The following TTLL10 variants were observed in gnomAD, a reference collection of about 807,000 sequenced individuals.
TTLL10 encodes tubulin tyrosine ligase like 10.
Under a neutral mutation model 69.0 loss-of-function variants are expected in TTLL10, and 61 were observed. The observed-to-expected ratio is 0.88, with a 90% CI of 0.72 to 1.09. TTLL10 has a LOEUF of 1.09. Ranked by LOEUF, TTLL10 falls within the 50% of genes least tolerant of loss-of-function variation. The pLI is 0.00. For synonymous variants in TTLL10, 408 were observed against 393.3 expected (o/e 1.04, Z -0.44); for missense variants, 962 against 945.9 (o/e 1.02, Z -0.22).
At chr1:1,193,630 AT>A (rs1647997152) in intron 13 of TTLL10, among the ~76,000 whole-genome samples, 1 of 151,628 alleles carries the variant, frequency 6.6e-6, no homozygotes, top group African/African-American at 2.4e-5. Flanking sequence ...CACCCGGCTA[AT>A]TTTTTGTATT....
At chr1:1,197,019 G>C in intron 14 of TTLL10, 74 bp from the exon 15 acceptor site, 1 of 1,376,806 alleles carries the variant, frequency 7.3e-7, no homozygotes, top group Admixed American at 2.0e-5. Flanking sequence ...CTGTCTGAAT[G>C]AGGACCAGGG....
In TTLL10 at chr1:1,175,375, G is replaced by A. The variant is rs77408828; in HGVS notation, c.-28+886G>A. On this transcript the variant is annotated intron_variant, in intron 3 of 15. Transcript: ENST00000379289. ...AACTGCCTGTTTCCAAAAAGCACCTGATGCTGCTGCTTCTGGAGCTTCCAG... is the reference window on the plus strand; with the variant it reads ...AACTGCCTGTTTCCAAAAAGCACCTAATGCTGCTGCTTCTGGAGCTTCCAG... The A allele has an allele frequency of 8.6e-3, 2,563 of 297,310 alleles. 72 individuals carry two copies. The highest frequency in any genetic ancestry group is 0.052 in the African/African-American group (2,411 of 46,040). 18.4% of individuals were successfully genotyped at this position (297,310 alleles called of 1,614,324 possible).
rs373208551 is a variant in TTLL10, at chr1:1,180,132, G to A, written c.298G>A (p.Asp100Asn). The change falls in exon 6 of 16, where the codon GAC becomes AAC. Residue 100 changes from aspartate to asparagine, a missense_variant. Asp to Asn is a conservative substitution (Grantham distance 23, BLOSUM62 1). Coordinates refer to ENST00000379289, the MANE Select transcript of TTLL10 (RefSeq NM_001130045.2). The stretch of plus-strand genomic sequence containing the variant: ...CGACGCAGATGGACACTGTGGGCCG[G>A]ACCTGGAGGGGGCAGAAAGAGCCTC... ...DHDADGHCGP[D>N]LEGAERASAT... 4.3e-6 allele frequency: 7 copies of A among 1,611,170 alleles called. No individual in the cohort carries two copies. The highest frequency in any genetic ancestry group is 5.9e-6 in the Non-Finnish European group (7 of 1,179,392).
chr1:1,183,438 G>A lies in TTLL10; in HGVS notation c.1088+391G>A, dbSNP rs548641191. On this transcript the variant is annotated intron_variant, in intron 11 of 15. Transcript: ENST00000379289. ...GGGAAGGCTTCCTCCAGAAAGCCCC[G>A]TGGCTGCACGAGGCTGAAGGTTTAG... Among the ~76,000 whole-genome samples, 11 of 152,244 alleles carry A rather than the reference G, an allele frequency of 7.2e-5. No individual in the cohort carries two copies. The East Asian group carries it at 7.7e-4, about 11-fold the overall frequency.
rs1050600420 is a variant in TTLL10, at chr1:1,197,634, C to T, written c.1809C>T (p.Ala603=). ...AKSSGPPMPH[A]PDQPGARRPA... ...CCTCCGGGCCACCCATGCCGCATGC[C>T]CCAGACCAGCCGGGCGCCCGCAGGC... Residue 603 remains alanine, a synonymous_variant, in exon 16 of 16, where the codon GCC becomes GCT. Transcript: ENST00000379289. 23 of 1,506,172 alleles carry T rather than the reference C, an allele frequency of 1.5e-5. No individual in the cohort carries two copies. In the East Asian group the frequency reaches 4.2e-4, roughly 27 times the overall value. 93.3% of individuals were successfully genotyped at this position (1,506,172 alleles called of 1,614,324 possible).
At chr1:1,191,240 A>G (rs532669026) in intron 13 of TTLL10, among the ~76,000 whole-genome samples, 3 of 152,252 alleles carry the variant, frequency 2.0e-5, no homozygotes, top group African/African-American at 7.2e-5. Context: ...TTGACTTCTA[A>G]TTTCATTCCA....
At chr1:1,188,724 C>T (rs547705105) in intron 13 of TTLL10, among the ~76,000 whole-genome samples, 1 of 152,182 alleles carries the variant, frequency 6.6e-6, no homozygotes, top group East Asian at 1.9e-4. Flanking sequence ...TTTTAATAGG[C>T]ATTGCATTGA....
chr1:1,178,997 C>T (rs1424790337), intron 3 of TTLL10, among the ~76,000 whole-genome samples, 192 bp from the exon 4 acceptor site: 6 of 152,240 alleles, frequency 3.9e-5, no homozygotes, highest in East Asian at 1.9e-4. Context: ...GACAGCCTCG[C>T]CCCCACACGG....
At chr1:1,193,503 G>C (rs1352054768) in intron 13 of TTLL10, among the ~76,000 whole-genome samples, 1 of 146,676 alleles carries the variant, frequency 6.8e-6, no homozygotes, top group African/African-American at 2.5e-5. Context: ...CGCTCTTGTT[G>C]CCCAGGCTGG....
intron 13 of TTLL10, among the ~76,000 whole-genome samples, chr1:1,188,398 C>T (rs1486742651): frequency 6.7e-6 from 1 of 150,248 alleles, no homozygotes; most frequent in Non-Finnish European, 1.5e-5. Context: ...GGAAAAAGTC[C>T]AATGAAATTT....
At chr1:1,192,087 G>C (rs1031241661) in intron 13 of TTLL10, among the ~76,000 whole-genome samples, 2 of 147,518 alleles carry the variant, frequency 1.4e-5, no homozygotes, top group African/African-American at 5.1e-5. Context: ...GCCAGATTTT[G>C]GGGGGGGGCC....
intron 13 of TTLL10, among the ~76,000 whole-genome samples, chr1:1,195,619 A>G (rs1648149596): frequency 6.6e-6 from 1 of 150,682 alleles, no homozygotes; most frequent in East Asian, 2.0e-4. Flanking sequence ...TGCTGGGATT[A>G]CAGACGTGAG....
intron 4 of TTLL10, 36 bp from the exon 5 acceptor site, chr1:1,179,621 G>T (rs1457012932): frequency 6.4e-7 from 1 of 1,550,600 alleles, no homozygotes; most frequent in Non-Finnish European, 8.7e-7. Flanking sequence ...GGTCACCCAT[G>T]ACATCATCAT....
At chr1:1,180,405 C>G (rs546092998) in intron 6 of TTLL10, 65 bp downstream of exon 6, 6 of 1,540,644 alleles carry the variant, frequency 3.9e-6, no homozygotes, top group African/African-American at 1.4e-5. Flanking sequence ...CGGGGCCCAG[C>G]CCGGCCTCCG....
intron 13 of TTLL10, among the ~76,000 whole-genome samples, chr1:1,192,509 CAGTGTAGACACTCCAGTTGGTATG>C (rs1557490219): frequency 3.9e-4 from 52 of 132,786 alleles, no homozygotes; most frequent in African/African-American, 1.4e-3. Context: ...CAGTTGATAT[CAGTGTAGACACTCCAGTTGGTATG>C]AGTGTAGACA....
chr1:1,184,665 G>A (rs1453468716), intron 12 of TTLL10, among the ~76,000 whole-genome samples: 1 of 152,164 alleles, frequency 6.6e-6, no homozygotes, highest in Non-Finnish European at 1.5e-5. Context: ...GGCCTTCTAG[G>A]TTAGGGGGAT....
At chr1:1,191,747 T>G (rs377196241) in intron 13 of TTLL10, among the ~76,000 whole-genome samples, 89 of 152,348 alleles carry the variant, frequency 5.8e-4, no homozygotes, top group African/African-American at 2.0e-3. Flanking sequence ...CCCACATATT[T>G]AGTAACAGCA....
intron 3 of TTLL10, among the ~76,000 whole-genome samples, chr1:1,176,978 C>G (rs1401873707): frequency 6.6e-6 from 1 of 152,146 alleles, no homozygotes; most frequent in Non-Finnish European, 1.5e-5. Flanking sequence ...CTCCCCTTTT[C>G]TCTTCCTCTG....
rs971581694 is a variant in TTLL10, at chr1:1,185,219, G to A, written c.1401+110G>A. 2.1e-5 allele frequency: 32 copies of A among 1,522,908 alleles called. No individual in the cohort carries two copies. The highest frequency in any genetic ancestry group is 5.6e-5 in the African/African-American group (4 of 71,760). 94.3% of individuals were successfully genotyped at this position (1,522,908 alleles called of 1,614,324 possible). ...GTCCGTGGCGTGCGTGGGCGGCTGC[G>A]CTGAAGTGTGACCTGACCGTGTGGA... is the stretch of plus-strand genomic sequence containing the variant. On this transcript the variant is annotated intron_variant, in intron 13 of 15. Transcript: ENST00000379289. This position sits in a 1 kb window ranked among gnomAD's most constrained non-coding sequence, Gnocchi z 6.1.
Sources: gnomAD v4.1 joint callset for allele counts (sites outside exome capture counted in the v4.1 genomes callset) on GRCh38, gnomAD v4.1.1 for gene constraint, Gnocchi (gnomAD v3.1) non-coding constraint, MANE v1.5 for transcripts, NCBI Gene and HGNC (gene_info 2026-07-23, HGNC 2026-07-21) for gene names.